The following PHTF1 variants were observed in gnomAD, a reference collection of about 807,000 sequenced individuals.
PHTF1 encodes the protein putative homeodomain transcription factor 1, also known as protein PHTF1.
A neutral mutation model predicts 102.4 loss-of-function variants in PHTF1; 88 were observed. The observed-to-expected ratio is 0.86, with a 90% CI of 0.72 to 1.03. The LOEUF (loss-of-function observed/expected upper bound fraction) is 1.03. Ranked by LOEUF, PHTF1 falls within the 50% of genes least tolerant of loss-of-function variation. PHTF1 has a pLI of 0.00. For missense variants in PHTF1, 814 were observed against 909.5 expected, an observed-to-expected ratio of 0.89 and a Z score of 1.35; for synonymous variants, 289 against 305.2, an observed-to-expected ratio of 0.95 and a Z score of 0.55.
chr1:113,723,607 C>G (rs549602492), intron 7 of PHTF1, among the ~76,000 whole-genome samples: 5 of 152,150 alleles, frequency 3.3e-5, no homozygotes, highest in Non-Finnish European at 5.9e-5. Flanking sequence ...TTATCTCTCA[C>G]CATATGCAAA....
rs61817584 is a variant in PHTF1, at chr1:113,719,659, G to A, written c.623+5100C>T. 4.7e-3 allele frequency among the ~76,000 whole-genome samples: 709 copies of A among 152,258 alleles called. 3 individuals carry two copies. Among genetic ancestry groups the A allele is most frequent in the Non-Finnish European group, 8.5e-3 (576 of 68,026 alleles). ...AAGCCATTCAACAAATCTCTAGGAG[G>A]TTCCAAACTTCCCACATTTTCCTGT... is the stretch of plus-strand genomic sequence containing the variant. On this transcript the variant is annotated intron_variant, in intron 7 of 18. Coordinates refer to ENST00000369604, the MANE Select transcript of PHTF1 (RefSeq NM_001323043.2).
intron 5 of PHTF1, among the ~76,000 whole-genome samples, chr1:113,729,125 G>A (rs1654259201): frequency 6.6e-6 from 1 of 152,122 alleles, no homozygotes; most frequent in Admixed American, 6.6e-5. Context: ...GCAACAACAT[G>A]GATGGAACTA....
At chr1:113,758,927 C>G (rs1659289319) in intron 1 of PHTF1, 96 bp downstream of exon 1, 3 of 1,055,204 alleles carry the variant, frequency 2.8e-6, no homozygotes, top group Non-Finnish European at 3.4e-6. Flanking sequence ...TGCAATATAT[C>G]GGGCGAGCGT....
Position 113,706,465 on chromosome 1 carries a change from TATATAATATG to T in PHTF1, c.1398+119_1398+128del, listed in dbSNP as rs1376427381. On this transcript the variant is annotated intron_variant, in intron 12 of 18. Coordinates refer to ENST00000369604, the MANE Select transcript of PHTF1 (RefSeq NM_001323043.2). The stretch of plus-strand genomic sequence containing the variant: ...CATATATATGTTAATAATGTTATTA[TATATAATATG>T]ATATATATGTGCTTCAAAAGCAGAG... 53 of 552,750 alleles carry T rather than the reference TATATAATATG, an allele frequency of 9.6e-5. No individual in the cohort carries two copies. The Admixed American group carries it at 1.9e-3, about 20-fold the overall frequency. The allele number at this position is 552,750 out of a possible 1,614,324, so 34.2% of individuals were successfully genotyped here.
chr1:113,756,745 CTATTA>C (rs1357640532), intron 3 of PHTF1, among the ~76,000 whole-genome samples: 4 of 152,182 alleles, frequency 2.6e-5, no homozygotes, highest in Non-Finnish European at 5.9e-5. Context: ...CTCTCCTCCC[CTATTA>C]TAAGTTAATA....
intron 16 of PHTF1, 154 bp from the exon 17 acceptor site, chr1:113,699,953 G>T: frequency 1.5e-6 from 1 of 674,004 alleles, no homozygotes; most frequent in Non-Finnish European, 2.3e-6. Context: ...ATGTGCTCTA[G>T]CCCCCATTCC....
rs752359179 is a variant in PHTF1, at chr1:113,706,143, C to T, written c.1418G>A (p.Gly473Glu). The T allele has an allele frequency of 1.2e-6, 2 of 1,612,384 alleles. No individual in the cohort carries two copies. The highest frequency in any genetic ancestry group is 3.3e-5 in the Admixed American group (2 of 59,880). The part of the protein sequence containing the change: ...IMSRVNAYQQ[G>E]VGYQMLGNVV... ...ATTTCCCAGCATCTGATAACCTACT[C>T]CTTGCTGATAGGCATTGACCTGTGA... is the stretch of plus-strand genomic sequence containing the variant. The change falls in exon 13 of 19, where the codon GGA (glycine) becomes GAA (glutamate). Residue 473 changes from glycine to glutamate, a missense_variant. By Grantham distance (98) the Gly-to-Glu change is moderately conservative (BLOSUM62 -2). Transcript: ENST00000369604.
At chr1:113,705,688 C>T in intron 13 of PHTF1, 1 of 536,382 alleles carries the variant, frequency 1.9e-6, no homozygotes, top group Non-Finnish European at 3.3e-6. Context: ...CACATGAGGC[C>T]TGGCAAAATT....
rs1448210920 is a variant in PHTF1, at chr1:113,699,784, T to G, written c.2062A>C (p.Lys688Gln). 3 of 1,256,242 alleles carry G rather than the reference T, an allele frequency of 2.4e-6. No homozygotes were observed. The highest frequency in any genetic ancestry group is 3.4e-6 in the Non-Finnish European group (3 of 875,610). The allele number at this position is 1,256,242 out of a possible 1,614,324, so 77.8% of individuals were successfully genotyped here. A position where few individuals can be genotyped will look rare whatever the true frequency, so the allele number is the denominator to read the frequency against. Residue 688 changes from lysine to glutamine, a missense_variant, in exon 17 of 19, where the codon AAG becomes CAG. By Grantham distance (53) the Lys-to-Gln change is moderately conservative. Transcript: ENST00000369604. ...TTCTTATTTGGCTTTTTTTCCATCT[T>G]AAGATATAAATTAATCTAAGGGAAG... ...LLTEQINLYL[K>Q]MEKKPNKKEQ... is the part of the protein sequence containing the mutation.
At position 113,751,803 on chromosome 1, in the gene PHTF1, A is replaced by C. The variant is rs192243451; in HGVS notation, c.102+5896T>G. Among the ~76,000 whole-genome samples, 154 of 152,330 alleles carry C rather than the reference A, an allele frequency of 1.0e-3. 2 individuals carry two copies. The highest frequency in any genetic ancestry group is 3.8e-4 in the Non-Finnish European group (26 of 68,020). The stretch of plus-strand genomic sequence containing the variant: ...CATATTTAACATTTTTAAAACCACC[A>C]AACTATTTTCCATTTTCCATGCCCA... On this transcript the variant is annotated intron_variant, in intron 3 of 18. Transcript: ENST00000369604.
In PHTF1 at chr1:113,697,869, T is replaced by G. The variant is rs1235050409; in HGVS notation, c.2269-144A>C. The stretch of plus-strand genomic sequence containing the variant: ...TGGCAATAGCAACCATAGAACATCA[T>G]AGAGAAAAAACATTTAAAACTTCCA... On this transcript the variant is annotated intron_variant, in intron 18 of 18. Transcript: ENST00000369604. The G allele has an allele frequency of 9.5e-6, 6 of 633,508 alleles. No individual in the cohort carries two copies. The Admixed American group carries it at 1.2e-4, about 12-fold the overall frequency. The allele number at this position is 633,508 out of a possible 1,614,324, so 39.2% of individuals were successfully genotyped here.
In PHTF1 at chr1:113,711,980, T is replaced by G. The variant is rs1297391679; in HGVS notation, c.917A>C (p.Lys306Thr). 11 of 1,614,106 alleles carry G rather than the reference T, an allele frequency of 6.8e-6. No individual in the cohort carries two copies. The highest frequency in any genetic ancestry group is 9.3e-6 in the Non-Finnish European group (11 of 1,179,972). The change falls in exon 9 of 19, where the codon AAG (lysine) becomes ACG (threonine). Residue 306 changes from lysine (K) to threonine (T), a missense_variant. Physicochemically the swap from Lys to Thr is moderately conservative, Grantham distance 78 (BLOSUM62 -1). Coordinates refer to ENST00000369604, the MANE Select transcript of PHTF1 (RefSeq NM_001323043.2). The part of the protein sequence containing the change: ...GASSDNGCEV[K>T]NRKSILSRHL... ...CCTTGAAAGTATTGATTTTCTATTCTTAACTTCACAACCATTGTCACTTGA... is the reference window on the plus strand; with the variant it reads ...CCTTGAAAGTATTGATTTTCTATTCGTAACTTCACAACCATTGTCACTTGA...
rs1030500202 is a variant in PHTF1 at position 113,697,336 on chromosome 1, A to G, written c.*369T>C. 2 of 173,820 alleles carry G rather than the reference A, an allele frequency of 1.2e-5. No individual in the cohort carries two copies. Among genetic ancestry groups the G allele is most frequent in the African/African-American group, 4.8e-5 (2 of 41,942 alleles). The allele number at this position is 173,820 out of a possible 1,614,324, so 10.8% of individuals were successfully genotyped here. The stretch of plus-strand genomic sequence containing the variant: ...TATTGAATTTGCATATTTCCAATAA[A>G]AGATATTTGCTTCATGCTTTGGGCA... On this transcript the variant is annotated 3_prime_UTR_variant, in exon 19 of 19. Coordinates refer to ENST00000369604, the MANE Select transcript of PHTF1 (RefSeq NM_001323043.2).
intron 5 of PHTF1, among the ~76,000 whole-genome samples, chr1:113,730,498 A>G (rs1654479233): frequency 6.6e-6 from 1 of 152,208 alleles, no homozygotes; most frequent in Admixed American, 6.5e-5. Context: ...AGTAAATGAA[A>G]TGTATGTGAA....
chr1:113,725,781 T>C (rs1263076303), intron 6 of PHTF1: 1 of 152,514 alleles, frequency 6.6e-6, no homozygotes, highest in East Asian at 1.9e-4. Context: ...CTGATTAACA[T>C]GGTGAAATCC....
chr1:113,732,226 G>A (rs1291012149), intron 5 of PHTF1, among the ~76,000 whole-genome samples: 5 of 152,114 alleles, frequency 3.3e-5, no homozygotes, highest in Admixed American at 6.5e-5. Flanking sequence ...GGCCAGGCGC[G>A]GTGGCTCAGG....
At chr1:113,746,761 G>T in intron 3 of PHTF1, 1 of 396,678 alleles carries the variant, frequency 2.5e-6, no homozygotes, top group Non-Finnish European at 3.4e-6. Flanking sequence ...TGGTTTTGGA[G>T]GAAAAATGTT....
intron 18 of PHTF1, 63 bp downstream of exon 18, chr1:113,698,199 C>A: frequency 8.4e-7 from 1 of 1,188,540 alleles, no homozygotes; most frequent in Non-Finnish European, 1.2e-6. Context: ...GTGTGAAGAA[C>A]ACAGATTTCT....
chr1:113,702,540 C>T (rs1226009951), intron 15 of PHTF1, among the ~76,000 whole-genome samples: 1 of 151,684 alleles, frequency 6.6e-6, no homozygotes, highest in East Asian at 1.9e-4. Context: ...TCCCTTGAAG[C>T]CAGGAGTTCG....
Sources: allele counts gnomAD v4.1 joint callset (sites outside exome capture counted in the v4.1 genomes callset), GRCh38; gene constraint gnomAD v4.1.1; transcripts MANE v1.5; gene names NCBI Gene and HGNC (gene_info 2026-07-23, HGNC 2026-07-21).